The following TVP23A variants were observed in gnomAD, a reference collection of about 807,000 sequenced individuals.
The protein encoded by TVP23A is Golgi apparatus membrane protein TVP23 homolog A.
TVP23A carries 21 observed loss-of-function variants against 31.7 expected under a neutral mutation model. That is an observed-to-expected ratio of 0.66 (90% CI 0.47 to 0.95). TVP23A has a LOEUF of 0.95. Ranked by LOEUF, TVP23A falls within the 40% of genes least tolerant of loss-of-function variation. The pLI, the probability that TVP23A is intolerant of heterozygous loss-of-function variation, is 0.00. For missense variants in TVP23A, 279 were observed against 255.6 expected, an observed-to-expected ratio of 1.09 and a Z score of -0.62; for synonymous variants, 104 against 96.0, an observed-to-expected ratio of 1.08 and a Z score of -0.49.
intron 2 of TVP23A, among the ~76,000 whole-genome samples, chr16:10,808,770 T>A (rs2034060529): frequency 6.6e-6 from 1 of 151,908 alleles, no homozygotes; most frequent in Non-Finnish European, 1.5e-5. Context: ...GAACAAGATC[T>A]TATCCCCCCA....
intron 5 of TVP23A, 95 bp from the exon 6 acceptor site, chr16:10,771,893 A>G: frequency 6.8e-7 from 1 of 1,472,152 alleles, no homozygotes; most frequent in South Asian, 1.3e-5. Flanking sequence ...ATCTCAGCTC[A>G]CTGCAAGTTC....
intron 7 of TVP23A, chr16:10,769,363 C>A (rs1233625474): frequency 4.9e-6 from 2 of 409,224 alleles, no homozygotes; most frequent in Non-Finnish European, 4.3e-6. Context: ...CCCCCGAGGC[C>A]TGTTTCACGT....
chr16:10,780,181 G>A (rs1198763947), intron 2 of TVP23A, among the ~76,000 whole-genome samples: 2 of 152,184 alleles, frequency 1.3e-5, no homozygotes, highest in South Asian at 2.1e-4. Flanking sequence ...TCTGAGTCCT[G>A]AAGACCTTCC....
intron 2 of TVP23A, among the ~76,000 whole-genome samples, chr16:10,778,277 T>C (rs1039836850): frequency 1.1e-4 from 17 of 152,058 alleles, no homozygotes; most frequent in African/African-American, 3.6e-4. Context: ...GAGGTTGCAG[T>C]GAGTCGAGAT....
intron 4 of TVP23A, among the ~76,000 whole-genome samples, 162 bp from the exon 5 acceptor site, chr16:10,773,603 T>C (rs1213997412): frequency 6.6e-6 from 1 of 152,034 alleles, no homozygotes; most frequent in Non-Finnish European, 1.5e-5. Context: ...CAAAGTCTCA[T>C]TGTGTCACCC....
chr16:10,804,405 C>T (rs533274023), intron 2 of TVP23A, among the ~76,000 whole-genome samples: 2 of 152,318 alleles, frequency 1.3e-5, no homozygotes, highest in African/African-American at 4.8e-5. Flanking sequence ...CACCCACAGG[C>T]AACTCCTGGC....
chr16:10,773,735 T>C (rs2031796144), intron 4 of TVP23A, among the ~76,000 whole-genome samples: 1 of 152,138 alleles, frequency 6.6e-6, no homozygotes, highest in Admixed American at 6.5e-5. Context: ...CACGCCCAGC[T>C]AATTTTTGTA....
At chr16:10,762,556 G>A (rs2030105172), downstream of TVP23A, among the ~76,000 whole-genome samples, 1 of 152,246 alleles carries the variant, frequency 6.6e-6, no homozygotes, top group Non-Finnish European at 1.5e-5. Context: ...CGCGGAGCCG[G>A]GCGGGCCTCC....
intron 2 of TVP23A, among the ~76,000 whole-genome samples, chr16:10,806,420 C>T (rs1596567431): frequency 6.6e-6 from 1 of 152,202 alleles, no homozygotes; most frequent in African/African-American, 2.4e-5. Flanking sequence ...CATCAAAGAA[C>T]CTGGCCAATG....
chr16:10,766,481 G>A (rs138300760), downstream of TVP23A, among the ~76,000 whole-genome samples: 15 of 152,248 alleles, frequency 9.9e-5, no homozygotes, highest in Admixed American at 9.2e-4. The surrounding 1 kb of genome is among the most constrained non-coding windows in gnomAD (Gnocchi z 4.8). Flanking sequence ...AGGGAGACCT[G>A]GGTGAAAGTC....
downstream of TVP23A, among the ~76,000 whole-genome samples, chr16:10,762,546 C>G (rs186430761): frequency 6.6e-6 from 1 of 152,166 alleles, no homozygotes; most frequent in Non-Finnish European, 1.5e-5. Flanking sequence ...CCCCCAGGAC[C>G]GCGGAGCCGG....
Position 10,788,996 on chromosome 16 carries a change from T to G in TVP23A, c.90-13900A>C, listed in dbSNP as rs145072007. Among the ~76,000 whole-genome samples, 527 of 152,320 alleles carry G rather than the reference T, an allele frequency of 3.5e-3. 5 individuals carry two copies. Among genetic ancestry groups the G allele is most frequent in the African/African-American group, 0.012 (505 of 41,578 alleles). The stretch of plus-strand genomic sequence containing the variant: ...GCTTTCCACAACTTATTGTCCCATA[T>G]TTTTATGGCCAGTTTATGCAGGCAC... On this transcript the variant is annotated intron_variant, in intron 2 of 7. Transcript: ENST00000299866.
intron 2 of TVP23A, among the ~76,000 whole-genome samples, chr16:10,791,768 C>T (rs368867996): frequency 3.2e-4 from 48 of 152,186 alleles, no homozygotes; most frequent in South Asian, 1.2e-3. Context: ...CCACCATGCC[C>T]GGCTAATTTT....
chr16:10,761,056 T>TCGGTG, downstream of TVP23A: 1 of 269,304 alleles, frequency 3.7e-6, no homozygotes, highest in Non-Finnish European at 7.3e-6. Flanking sequence ...TAGGAGGAAC[T>TCGGTG]GTCAAACACT....
chr16:10,793,109 C>T (rs1484451539), intron 2 of TVP23A, among the ~76,000 whole-genome samples: 10 of 151,852 alleles, frequency 6.6e-5, no homozygotes, highest in Non-Finnish European at 1.2e-4. Context: ...GGCAACATAG[C>T]GAAACCCTGT....
At chr16:10,759,809 G>A (rs769555904), downstream of TVP23A, among the ~76,000 whole-genome samples, 1 of 152,142 alleles carries the variant, frequency 6.6e-6, no homozygotes. This position sits in a 1 kb window ranked among gnomAD's most constrained non-coding sequence, Gnocchi z 4.7. Flanking sequence ...AGACTGAGTC[G>A]CAGCCCATTG....
rs2034528266 is a variant in TVP23A, at chr16:10,818,239, AC to A, written c.10-58del. 11 of 962,246 alleles carry A rather than the reference AC, an allele frequency of 1.1e-5. No homozygotes were observed. Among genetic ancestry groups the A allele is most frequent in the African/African-American group, 1.7e-5 (1 of 57,506 alleles). The allele number at this position is 962,246 out of a possible 1,614,324, so 59.6% of individuals were successfully genotyped here. A position where few individuals can be genotyped will look rare whatever the true frequency, so the allele number is the denominator to read the frequency against. On this transcript the variant is annotated intron_variant, in intron 1 of 7. Coordinates refer to ENST00000299866, the MANE Select transcript of TVP23A (RefSeq NM_001079512.4). The surrounding 1 kb of genome is among the most constrained non-coding windows in gnomAD (Gnocchi z 4.7). ...CAAGCACGGCGCACACCCCAACCCC[AC>A]CCGCCCTGTCCTCCTGGGCTTGGAC... is the stretch of plus-strand genomic sequence containing the variant.
chr16:10,773,298 A>C lies in TVP23A; in HGVS notation c.453+15T>G, dbSNP rs554292032. 11 of 1,586,222 alleles carry C rather than the reference A, an allele frequency of 6.9e-6. No individual in the cohort carries two copies. The South Asian group carries it at 1.2e-4, about 17-fold the overall frequency. ...GAGACATCAAAGCAATGTGGAAGTC[A>C]AGATCTGGCCTTACCAGCCACTTTA... On this transcript the variant is annotated intron_variant, in intron 5 of 7. Transcript: ENST00000299866.
rs553218500 is a variant in TVP23A, at chr16:10,772,746, G to A, written c.453+567C>T. On this transcript the variant is annotated intron_variant, in intron 5 of 7. Coordinates refer to ENST00000299866, the MANE Select transcript of TVP23A (RefSeq NM_001079512.4). ...GAAAAATTAATAGGTGCCAGGGCTTGGAGGAACAGAAGCACAGGGAAGCAA... is the reference window on the plus strand; with the variant it reads ...GAAAAATTAATAGGTGCCAGGGCTTAGAGGAACAGAAGCACAGGGAAGCAA... 7.2e-5 allele frequency among the ~76,000 whole-genome samples: 11 copies of A among 152,260 alleles called. No individual in the cohort carries two copies. In the South Asian group the frequency reaches 2.1e-3, roughly 29 times the overall value.
Sources: allele counts gnomAD v4.1 joint callset (sites outside exome capture counted in the v4.1 genomes callset), GRCh38; gene constraint gnomAD v4.1.1; non-coding constraint Gnocchi (gnomAD v3.1); transcripts MANE v1.5; gene names NCBI Gene and HGNC (gene_info 2026-07-23, HGNC 2026-07-21).